Variants in SBNO2 observed in about 807,000 individuals in gnomAD.
The protein encoded by SBNO2 is strawberry notch homolog 2, also known as protein strawberry notch homolog 2.
Under a neutral mutation model 146.3 loss-of-function variants are expected in SBNO2, and 89 were observed. The ratio of observed to expected loss-of-function variants is 0.61; its 90% CI spans 0.51 to 0.73. SBNO2 has a LOEUF of 0.73. Ranked by LOEUF, SBNO2 falls within the 30% of genes least tolerant of loss-of-function variation. The pLI, the probability that SBNO2 is intolerant of heterozygous loss-of-function variation, is 0.00. For synonymous variants in SBNO2, 1,147 were observed against 892.6 expected (o/e 1.29, Z -5.08); for missense variants, 2,092 against 2,003.7 (o/e 1.04, Z -0.84).
intron 11 of SBNO2, among the ~76,000 whole-genome samples, chr19:1,121,773 A>G (rs1435812562): frequency 6.6e-6 from 1 of 152,164 alleles, no homozygotes; most frequent in Non-Finnish European, 1.5e-5. Context: ...GCATCATGGC[A>G]AACATCAGGA....
chr19:1,154,902 C>T (rs1323559273), intron 1 of SBNO2, among the ~76,000 whole-genome samples: 1 of 152,198 alleles, frequency 6.6e-6, no homozygotes, highest in Non-Finnish European at 1.5e-5. Flanking sequence ...AGGGGCCACG[C>T]AGAGCTGGAA....
intron 14 of SBNO2, 22 bp from the exon 15 acceptor site, chr19:1,117,521 C>T (rs371360327): frequency 3.6e-5 from 55 of 1,543,860 alleles, no homozygotes; most frequent in East Asian, 2.9e-4. Context: ...CGTCACAAGG[C>T]GCCCCTGAGC....
intron 13 of SBNO2, 22 bp downstream of exon 13, chr19:1,119,494 C>CCG: frequency 1.3e-6 from 2 of 1,541,922 alleles, no homozygotes; most frequent in Non-Finnish European, 1.8e-6. Flanking sequence ...CGCCCCTCCA[C>CCG]GTGGGTGAGA....
intron 1 of SBNO2, chr19:1,168,627 G>A (rs866115397): frequency 1.3e-5 from 2 of 152,266 alleles, no homozygotes; most frequent in East Asian, 3.8e-4. Context: ...CATTCCACCC[G>A]GCCCCTGGGC....
intron 4 of SBNO2, among the ~76,000 whole-genome samples, chr19:1,130,210 G>A (rs1011080335): frequency 7.9e-5 from 12 of 152,236 alleles, no homozygotes; most frequent in South Asian, 2.1e-4. Context: ...TAACGGTGGC[G>A]TACGGATGTT....
Position 1,144,877 on chromosome 19 carries a change from CAG to C in SBNO2, c.279+2430_279+2431del, listed in dbSNP as rs2080173374. On this transcript the variant is annotated intron_variant, in intron 4 of 31. Transcript: ENST00000361757. This position sits in a 1 kb window ranked among gnomAD's most constrained non-coding sequence, Gnocchi z 4.1. Reference sequence around the variant, plus strand: ...GCAGAGAGGGAGACACAGACAGAGACAGAGAGGGAGACAGAGAGACAGAGGCG... The same window carrying C: ...GCAGAGAGGGAGACACAGACAGAGACAGAGGGAGACAGAGAGACAGAGGCG... Among the ~76,000 whole-genome samples, 4 of 134,540 alleles carry C rather than the reference CAG, an allele frequency of 3.0e-5. No homozygotes were observed. In the South Asian group the frequency reaches 7.4e-4, roughly 25 times the overall value. The allele number at this position is 134,540 out of a possible 152,430, so 88.3% of individuals were successfully genotyped here.
Position 1,157,422 on chromosome 19 carries a change from TCTCCCCAC to T in SBNO2, c.-126-3028_-126-3021del, listed in dbSNP as rs2080301969. ...TCTCCCCACGCGGCCCCGGAGACCC[TCTCCCCAC>T]GCGGCCCCGGTGACACGGCCCACCC... On this transcript the variant is annotated intron_variant, in intron 1 of 31. Coordinates refer to ENST00000361757, the MANE Select transcript of SBNO2 (RefSeq NM_014963.3). The surrounding 1 kb of genome is among the most constrained non-coding windows in gnomAD (Gnocchi z 6.8). Among the ~76,000 whole-genome samples, 1 of 148,652 alleles carries T rather than the reference TCTCCCCAC, an allele frequency of 6.7e-6. No individual in the cohort carries two copies. The highest frequency in any genetic ancestry group is 2.5e-5 in the African/African-American group (1 of 40,174).
chr19:1,132,151 G>A (rs1177194859), intron 4 of SBNO2: 1 of 1,475,112 alleles, frequency 6.8e-7, no homozygotes, highest in Admixed American at 2.8e-5. Context: ...GGCGCTCGGG[G>A]GGCCAGGGGT....
At chr19:1,128,295 G>C (rs916515185) in intron 4 of SBNO2, 1 of 411,538 alleles carries the variant, frequency 2.4e-6, no homozygotes, top group Non-Finnish European at 4.8e-6. Context: ...GCCCTGTGCC[G>C]GAGGCAGGGG....
chr19:1,111,635 GGGGAGGAGGCCCA>G (rs1568554295), intron 23 of SBNO2, 21 bp from the exon 24 acceptor site: 1 of 1,542,316 alleles, frequency 6.5e-7, no homozygotes, highest in East Asian at 2.4e-5. Flanking sequence ...AAGGTGACTC[GGGGAGGAGGCCCA>G]GGGAGGAGGC....
Position 1,112,194 on chromosome 19 carries a change from T to C in SBNO2, c.2623A>G (p.Ser875Gly). The change falls in exon 22 of 32, where the codon AGT becomes GGT. Residue 875 changes from serine to glycine, a missense_variant. Transcript: ENST00000361757. The surrounding 1 kb of genome is among the most constrained non-coding windows in gnomAD (Gnocchi z 5.9). The part of the protein sequence containing the change: ...FASIVAKRLE[S>G]LGALTHGDRR... Reference sequence around the variant, plus strand: ...CCCCACCCCCACCTGCTCACCAGACTCTCCAGGCGCTTGGCCACGATGGAG... The same window carrying C: ...CCCCACCCCCACCTGCTCACCAGACCCTCCAGGCGCTTGGCCACGATGGAG... 1 of 1,583,546 alleles carries C rather than the reference T, an allele frequency of 6.3e-7. No homozygotes were observed. Among genetic ancestry groups the C allele is most frequent in the South Asian group, 1.1e-5 (1 of 87,852 alleles).
chr19:1,120,221 T>C (rs1326125570), intron 11 of SBNO2, 198 bp from the exon 12 acceptor site: 1 of 587,648 alleles, frequency 1.7e-6, no homozygotes, highest in Non-Finnish European at 3.0e-6. Flanking sequence ...CACACGACCA[T>C]TAGATGGGTG....
Position 1,112,799 on chromosome 19 carries a change from G to A in SBNO2, c.2379+19C>T. On this transcript the variant is annotated intron_variant, in intron 20 of 31. Transcript: ENST00000361757. This position sits in a 1 kb window ranked among gnomAD's most constrained non-coding sequence, Gnocchi z 5.9. ...TCTTGGGTCCCGTGGGCCGCGCCCA[G>A]TGCACTGCAGCCCCGCACCTTCTCG... 2 of 1,557,890 alleles carry A rather than the reference G, an allele frequency of 1.3e-6. No individual in the cohort carries two copies. Among genetic ancestry groups the A allele is most frequent in the Non-Finnish European group, 8.7e-7 (1 of 1,152,982 alleles).
Position 1,119,002 on chromosome 19 carries a change from CA to C in SBNO2, c.1527+8del, listed in dbSNP as rs1437594003. ...CACAGGGGTCCCCGGGTCGGGTGCG[CA>C]GGCTCACCAGCAGGGCCGCGCGGTT... On this transcript the variant is annotated splice_region_variant and intron_variant, in intron 14 of 31. Coordinates refer to ENST00000361757, the MANE Select transcript of SBNO2 (RefSeq NM_014963.3). 2 of 1,576,592 alleles carry C rather than the reference CA, an allele frequency of 1.3e-6. No individual in the cohort carries two copies. The highest frequency in any genetic ancestry group is 2.7e-5 in the African/African-American group (2 of 74,560).
chr19:1,127,534 C>T (rs768290237), intron 5 of SBNO2, 70 bp downstream of exon 5: 6 of 1,448,808 alleles, frequency 4.1e-6, no homozygotes, highest in Admixed American at 1.7e-5. Context: ...CTCACTGGAC[C>T]GTGTGGGTCC....
At chr19:1,159,336 C>T (rs1568634283) in intron 1 of SBNO2, among the ~76,000 whole-genome samples, 1 of 151,396 alleles carries the variant, frequency 6.6e-6, no homozygotes, top group African/African-American at 2.4e-5. Context: ...AGGTCCTGAC[C>T]CCTGCAGACA....
chr19:1,114,584 G>A (rs994920540), intron 17 of SBNO2, among the ~76,000 whole-genome samples, 162 bp from the exon 18 acceptor site: 7 of 152,150 alleles, frequency 4.6e-5, no homozygotes, highest in African/African-American at 1.2e-4. Flanking sequence ...CTCCAGGGAC[G>A]CCCTCTAGGG....
At chr19:1,165,678 ACCCAGAC>A (rs71174346) in intron 1 of SBNO2, among the ~76,000 whole-genome samples, 2,511 of 60,908 alleles carry the variant, frequency 0.041, 43 homozygotes, top group Middle Eastern at 0.073. Flanking sequence ...AGACCCCAGT[ACCCAGAC>A]CCCAGATCTC....
At position 1,117,454 on chromosome 19, in the gene SBNO2, C is replaced by T. The variant is rs1406438422; in HGVS notation, c.1573G>A (p.Gly525Ser). The T allele has an allele frequency of 7.6e-6, 12 of 1,588,514 alleles. No individual in the cohort carries two copies. The highest frequency in any genetic ancestry group is 5.3e-5 in the Admixed American group (3 of 56,712). ...CACAGGGACTTGCGCGACTCCAGGC[C>T]GATCCAGTCGGCCGCCTGCTGGAAC... ...NVFQQAADWI[G>S]LESRKSLWGQ... is the part of the protein sequence containing the mutation. The change falls in exon 15 of 32, where the codon GGC becomes AGC. Residue 525 changes from glycine to serine, a missense_variant. Gly to Ser is a moderately conservative substitution (Grantham distance 56). Transcript: ENST00000361757.
Sources: allele counts gnomAD v4.1 joint callset (sites outside exome capture counted in the v4.1 genomes callset), GRCh38; gene constraint gnomAD v4.1.1; non-coding constraint Gnocchi (gnomAD v3.1); transcripts MANE v1.5; gene names NCBI Gene and HGNC (gene_info 2026-07-23, HGNC 2026-07-21).